The following MARCHF7 variants were observed in gnomAD, a reference collection of about 807,000 sequenced individuals.
The protein encoded by MARCHF7 is E3 ubiquitin-protein ligase MARCHF7.
A neutral mutation model predicts 76.5 loss-of-function variants in MARCHF7; 20 were observed. That is an observed-to-expected ratio of 0.26 (90% CI 0.18 to 0.38). The LOEUF is 0.38. MARCHF7 is among the 10% of genes least tolerant of loss of function. The pLI, the probability that MARCHF7 is intolerant of heterozygous loss-of-function variation, is 1.00. For synonymous variants in MARCHF7, 295 were observed against 293.0 expected (o/e 1.01, Z -0.07); for missense variants, 797 against 812.9 (o/e 0.98, Z 0.24).
At position 159,759,233 on chromosome 2, in the gene MARCHF7, A is replaced by T; in HGVS notation, c.1791A>T (p.Ser597=). 1 of 1,581,204 alleles carries T rather than the reference A, an allele frequency of 6.3e-7. No homozygotes were observed. Residue 597 remains serine, a synonymous_variant, in exon 9 of 12, where the codon TCA becomes TCT. Coordinates refer to ENST00000409175, the MANE Select transcript of MARCHF7 (RefSeq NM_001282805.2). The part of the protein sequence containing the change: ...WLQAKINSGS[S]LEAVTTCELC... ...TAATTTAATTTTTACCAGGTTCTTC[A>T]TTAGAAGCTGTAACCACCTGTGAAC...
intron 5 of MARCHF7, among the ~76,000 whole-genome samples, chr2:159,745,420 C>T (rs10196220): frequency 0.027 from 4,066 of 152,118 alleles, 84 homozygotes; most frequent in Middle Eastern, 0.061. Context: ...TTTGGGAGGC[C>T]GGGGTGGGCG....
chr2:159,757,372 TAAG>T (rs1706457703), intron 8 of MARCHF7, among the ~76,000 whole-genome samples: 1 of 152,218 alleles, frequency 6.6e-6, no homozygotes, highest in African/African-American at 2.4e-5. Flanking sequence ...AAGCATTTAT[TAAG>T]AAGCTACTAT....
At chr2:159,718,968 A>G (rs1020070598) in intron 3 of MARCHF7, among the ~76,000 whole-genome samples, 15 of 152,070 alleles carry the variant, frequency 9.9e-5, no homozygotes, top group African/African-American at 3.4e-4. Context: ...GTTCTCCTGG[A>G]CCTTCTGGGC....
intron 7 of MARCHF7, among the ~76,000 whole-genome samples, chr2:159,749,943 A>C (rs1178732215): frequency 2.0e-5 from 3 of 152,182 alleles, no homozygotes; most frequent in Non-Finnish European, 4.4e-5. Flanking sequence ...TTAACCATTT[A>C]TTTACATTTC....
At chr2:159,716,435 T>C in intron 3 of MARCHF7, among the ~76,000 whole-genome samples, 1 of 152,058 alleles carries the variant, frequency 6.6e-6, no homozygotes, top group East Asian at 1.9e-4. Context: ...TTGCTTGAGC[T>C]CAGGAGTTCA....
chr2:159,767,077 C>T (rs542050971), intron 11 of MARCHF7, among the ~76,000 whole-genome samples: 5 of 152,154 alleles, frequency 3.3e-5, no homozygotes, highest in African/African-American at 7.2e-5. Context: ...CATTACAAAA[C>T]GGTGTGGGGG....
At chr2:159,760,239 A>T (rs1028232710) in intron 9 of MARCHF7, among the ~76,000 whole-genome samples, 3 of 152,144 alleles carry the variant, frequency 2.0e-5, no homozygotes, top group Non-Finnish European at 4.4e-5. Context: ...TTTTTTTTAA[A>T]TGTGGGAATA....
At chr2:159,759,149 CT>C (rs1261517128) in intron 8 of MARCHF7, 76 bp from the exon 9 acceptor site, 5 of 781,394 alleles carry the variant, frequency 6.4e-6, no homozygotes, top group Non-Finnish European at 1.1e-5. Context: ...TTATTTTAAG[CT>C]TAAAACTTAA....
intron 7 of MARCHF7, among the ~76,000 whole-genome samples, chr2:159,749,193 G>C (rs942744985): frequency 5.3e-5 from 8 of 151,906 alleles, no homozygotes; most frequent in Non-Finnish European, 1.0e-4. Flanking sequence ...GGTCAGGCTG[G>C]TCTCAAACTC....
chr2:159,739,659 G>A lies in MARCHF7; in HGVS notation c.154-3402G>A, dbSNP rs561280149. Among the ~76,000 whole-genome samples, 3 of 152,158 alleles carry A rather than the reference G, an allele frequency of 2.0e-5. No individual in the cohort carries two copies. The South Asian group carries it at 6.2e-4, about 32-fold the overall frequency. ...TTTAATTGTTCAAAGAATTCCGAGG[G>A]AAAAAAACAATTGCTTCAGACTGAG... On this transcript the variant is annotated intron_variant, in intron 4 of 11. Coordinates refer to ENST00000409175, the MANE Select transcript of MARCHF7 (RefSeq NM_001282805.2).
At chr2:159,747,251 TAAG>T (rs1705015207) in intron 6 of MARCHF7, among the ~76,000 whole-genome samples, 1 of 152,078 alleles carries the variant, frequency 6.6e-6, no homozygotes, top group South Asian at 2.1e-4. Flanking sequence ...AACTATAGGA[TAAG>T]AACCACAGCT....
At chr2:159,750,165 A>C (rs941583797) in intron 7 of MARCHF7, among the ~76,000 whole-genome samples, 52 of 152,114 alleles carry the variant, frequency 3.4e-4, no homozygotes, top group African/African-American at 1.1e-3. Context: ...TTCAGCCTCC[A>C]AAAGTGCTGA....
At chr2:159,731,445 T>C (rs1702775241) in intron 4 of MARCHF7, among the ~76,000 whole-genome samples, 1 of 152,146 alleles carries the variant, frequency 6.6e-6, no homozygotes, top group Admixed American at 6.5e-5. Context: ...TTGTTAATGT[T>C]GTAGATTATT....
intron 9 of MARCHF7, among the ~76,000 whole-genome samples, chr2:159,761,744 AAT>A (rs745908145): frequency 6.6e-6 from 1 of 152,160 alleles, no homozygotes; most frequent in South Asian, 2.1e-4. Context: ...AGACTCTGAT[AAT>A]CAGTTACTTG....
At chr2:159,731,340 T>C (rs1287545522) in intron 4 of MARCHF7, among the ~76,000 whole-genome samples, 1 of 152,202 alleles carries the variant, frequency 6.6e-6, no homozygotes, top group Non-Finnish European at 1.5e-5. Flanking sequence ...ATAATAATTA[T>C]TATAATAGTG....
Position 159,768,568 on chromosome 2 carries a change from G to A in MARCHF7, c.*1226G>A, listed in dbSNP as rs1179757063. The A allele has an allele frequency of 1.3e-5, 2 of 152,570 alleles. No homozygotes were observed. Among genetic ancestry groups the A allele is most frequent in the African/African-American group, 4.8e-5 (2 of 41,432 alleles). The allele number at this position is 152,570 out of a possible 1,614,324, so 9.5% of individuals were successfully genotyped here. ...ATTGGCTCAAAATAAAGTACACACT[G>A]ATTTATTTTACTGTTTGAAATGTTT... On this transcript the variant is annotated 3_prime_UTR_variant, in exon 12 of 12. Coordinates refer to ENST00000409175, the MANE Select transcript of MARCHF7 (RefSeq NM_001282805.2).
chr2:159,759,120 C>T (rs1445713075), intron 8 of MARCHF7, 106 bp from the exon 9 acceptor site: 2 of 655,846 alleles, frequency 3.0e-6, no homozygotes, highest in Non-Finnish European at 5.3e-6. Flanking sequence ...TTTTCTTCTT[C>T]TTTCCTTTAA....
chr2:159,754,619 T>C (rs1252872058), intron 8 of MARCHF7, among the ~76,000 whole-genome samples: 2 of 152,102 alleles, frequency 1.3e-5, no homozygotes, highest in Non-Finnish European at 2.9e-5. Flanking sequence ...TTTTAAGGCA[T>C]GTTTTTATTT....
chr2:159,731,871 T>G (rs1702838823), intron 4 of MARCHF7, among the ~76,000 whole-genome samples: 1 of 151,488 alleles, frequency 6.6e-6, no homozygotes. Context: ...TTGGGAGGCT[T>G]AGGCAGGCGG....
Sources: gnomAD v4.1 joint callset for allele counts (sites outside exome capture counted in the v4.1 genomes callset) on GRCh38, gnomAD v4.1.1 for gene constraint, MANE v1.5 for transcripts, NCBI Gene and HGNC (gene_info 2026-07-23, HGNC 2026-07-21) for gene names.